ATP2B2: variants seen among roughly 807,000 people sequenced by gnomAD.
The protein encoded by ATP2B2 is plasma membrane calcium-transporting ATPase 2.
Under a neutral mutation model 120.0 loss-of-function variants are expected in ATP2B2, and 15 were observed. The ratio of observed to expected loss-of-function variants is 0.12; its 90% CI spans 0.08 to 0.19. The LOEUF is 0.19. ATP2B2 is among the 10% of genes least tolerant of loss of function. ATP2B2 has a pLI of 1.00. For missense variants in ATP2B2, 1,045 were observed against 1,719.8 expected, an observed-to-expected ratio of 0.61 and a Z score of 6.94; for synonymous variants, 694 against 700.3, an observed-to-expected ratio of 0.99 and a Z score of 0.14.
Position 10,342,642 on chromosome 3 carries a change from A to T in ATP2B2, c.2917+110T>A. The T allele has an allele frequency of 7.4e-7, 1 of 1,348,674 alleles. No homozygotes were observed. The highest frequency in any genetic ancestry group is 1.0e-6 in the Non-Finnish European group (1 of 961,556). 83.5% of individuals were successfully genotyped at this position (1,348,674 alleles called of 1,614,324 possible). On this transcript the variant is annotated intron_variant, in intron 19 of 22. Transcript: ENST00000360273. This position sits in a 1 kb window ranked among gnomAD's most constrained non-coding sequence, Gnocchi z 4.4. ...GACCTCCCTGGGCCTCAATTTCCCC[A>T]TTAGCAAAACAGGAGGGGGTTGTGA... is the stretch of plus-strand genomic sequence containing the variant.
intron 1 of ATP2B2, among the ~76,000 whole-genome samples, chr3:10,625,214 T>C (rs532661969): frequency 6.6e-6 from 1 of 152,336 alleles, no homozygotes; most frequent in East Asian, 1.9e-4. Flanking sequence ...TGTGGGTACT[T>C]AAGGCATTGG....
At chr3:10,695,222 G>A (rs2071723830) in intron 1 of ATP2B2, among the ~76,000 whole-genome samples, 1 of 145,842 alleles carries the variant, frequency 6.9e-6, no homozygotes, top group South Asian at 2.2e-4. Flanking sequence ...CATCTTACAT[G>A]GATGGTAGCA....
intron 1 of ATP2B2, among the ~76,000 whole-genome samples, chr3:10,451,489 T>C (rs969097211): frequency 1.3e-5 from 2 of 152,198 alleles, no homozygotes; most frequent in Non-Finnish European, 2.9e-5. Context: ...TAAACTGTAT[T>C]CAAATCCAGT....
chr3:10,649,956 G>A (rs2070413222), intron 1 of ATP2B2, among the ~76,000 whole-genome samples: 1 of 152,200 alleles, frequency 6.6e-6, no homozygotes, highest in South Asian at 2.1e-4. Flanking sequence ...TCTTTCTTCT[G>A]TGAATTTCCC....
chr3:10,671,650 C>A (rs1030632814), intron 1 of ATP2B2, among the ~76,000 whole-genome samples: 3 of 152,136 alleles, frequency 2.0e-5, no homozygotes, highest in Non-Finnish European at 4.4e-5. Context: ...GTCTCAAGGT[C>A]TCTTCTTGTT....
intron 2 of ATP2B2, among the ~76,000 whole-genome samples, chr3:10,535,878 T>G (rs901127193): frequency 2.0e-5 from 3 of 152,160 alleles, no homozygotes; most frequent in Non-Finnish European, 4.4e-5. Flanking sequence ...TGCCCAAGAG[T>G]GCAATTGTTG....
At chr3:10,376,198 C>T (rs907646509) in intron 10 of ATP2B2, among the ~76,000 whole-genome samples, 6 of 151,806 alleles carry the variant, frequency 4.0e-5, no homozygotes, top group Non-Finnish European at 1.5e-5. Flanking sequence ...AGGAGGAAGA[C>T]AAGAAACAAA....
At chr3:10,447,294 C>T (rs968168017) in intron 2 of ATP2B2, among the ~76,000 whole-genome samples, 1 of 152,244 alleles carries the variant, frequency 6.6e-6, no homozygotes, top group South Asian at 2.1e-4. Context: ...AATACTCCCT[C>T]TAGCAGTACA....
At chr3:10,444,353 A>C (rs1575243573) in intron 2 of ATP2B2, among the ~76,000 whole-genome samples, 1 of 151,906 alleles carries the variant, frequency 6.6e-6, no homozygotes, top group Admixed American at 6.6e-5. Flanking sequence ...CACACGGAAG[A>C]CCCCTGCCCC....
chr3:10,626,617 A>G (rs1317661806), intron 1 of ATP2B2: 1 of 151,690 alleles, frequency 6.6e-6, no homozygotes. Context: ...GGGTGGATGG[A>G]TGGATGGACT....
At chr3:10,547,245 C>T (rs956832850) in intron 2 of ATP2B2, among the ~76,000 whole-genome samples, 1 of 152,082 alleles carries the variant, frequency 6.6e-6, no homozygotes, top group Non-Finnish European at 1.5e-5. Flanking sequence ...GGCCCAGAAC[C>T]GACTGCCACT....
chr3:10,512,162 T>C (rs1343106917), intron 3 of ATP2B2, among the ~76,000 whole-genome samples: 3 of 152,152 alleles, frequency 2.0e-5, no homozygotes, highest in African/African-American at 7.2e-5. Context: ...GATCCAGATA[T>C]GCATTGTCTT....
chr3:10,543,525 G>C (rs749376877), intron 2 of ATP2B2, among the ~76,000 whole-genome samples: 12 of 152,166 alleles, frequency 7.9e-5, no homozygotes, highest in Non-Finnish European at 1.2e-4. Flanking sequence ...AAAGAGACTT[G>C]TAAAAATATG....
At chr3:10,537,072 C>G (rs2067333645) in intron 2 of ATP2B2, among the ~76,000 whole-genome samples, 1 of 152,136 alleles carries the variant, frequency 6.6e-6, no homozygotes, top group Non-Finnish European at 1.5e-5. Flanking sequence ...GGGTTTCTTT[C>G]TGGGTCATCT....
At chr3:10,608,887 C>G (rs1338641323) in intron 2 of ATP2B2, among the ~76,000 whole-genome samples, 1 of 152,218 alleles carries the variant, frequency 6.6e-6, no homozygotes, top group African/African-American at 2.4e-5. Context: ...TAGCAGGGAG[C>G]TGGCGTGCAC....
At chr3:10,694,807 C>T (rs183848287) in intron 1 of ATP2B2, among the ~76,000 whole-genome samples, 53 of 152,256 alleles carry the variant, frequency 3.5e-4, no homozygotes, top group African/African-American at 1.1e-3. Flanking sequence ...TTGGGCATTA[C>T]AAAGACTTAA....
chr3:10,599,071 T>C (rs569705747), intron 2 of ATP2B2, among the ~76,000 whole-genome samples: 13 of 152,338 alleles, frequency 8.5e-5, no homozygotes, highest in Admixed American at 2.0e-4. Flanking sequence ...CATATTCCAT[T>C]TTCCCAGGGG....
Position 10,697,569 on chromosome 3 carries a change from C to A in ATP2B2, c.-460+10346G>T, listed in dbSNP as rs1275442384. ...CAGAGATGTTTTTCTCCACGACATA[C>A]CTCTGCCCATCTCTGGGGCCTCTTC... On this transcript the variant is annotated intron_variant, in intron 1 of 21. Coordinates refer to the ATP2B2 transcript ENST00000646379. 2.0e-5 allele frequency among the ~76,000 whole-genome samples: 3 copies of A among 152,342 alleles called. No homozygotes were observed. The East Asian group carries it at 5.8e-4, about 29-fold the overall frequency.
intron 1 of ATP2B2, among the ~76,000 whole-genome samples, chr3:10,495,451 G>T (rs941694191): frequency 3.9e-5 from 6 of 152,170 alleles, no homozygotes; most frequent in African/African-American, 1.4e-4. Context: ...GGATCCAGTC[G>T]CAGTGGTGAG....
Sources: gnomAD v4.1 joint callset for allele counts (sites outside exome capture counted in the v4.1 genomes callset) on GRCh38, gnomAD v4.1.1 for gene constraint, Gnocchi (gnomAD v3.1) non-coding constraint, MANE v1.5 for transcripts, NCBI Gene and HGNC (gene_info 2026-07-23, HGNC 2026-07-21) for gene names.